SPRR2G: variants seen among roughly 807,000 people sequenced by gnomAD.
The protein encoded by SPRR2G is small proline-rich protein 2G.
In SPRR2G, 1 loss-of-function variant was observed where a neutral mutation model predicts 0.7. The observed-to-expected ratio is 1.49, with a 90% CI of 0.53 to 7.06. The LOEUF is 7.06. Among genes scored for constraint, SPRR2G ranks in the 30% most tolerant of loss-of-function variants. The pLI is 0.14. For synonymous variants in SPRR2G, 38 were observed against 33.9 expected (o/e 1.12, Z -0.42); for missense variants, 96 against 88.5 (o/e 1.09, Z -0.34).
chr1:153,166,680 ATG>A, the SPRR2G span, among the ~76,000 whole-genome samples: 1 of 152,150 alleles, frequency 6.6e-6, no homozygotes, highest in Non-Finnish European at 1.5e-5. Flanking sequence ...AAGAATAGAT[ATG>A]TCATTTCATT....
At chr1:153,191,840 A>G in the SPRR2G span, among the ~76,000 whole-genome samples, 1 of 152,164 alleles carries the variant, frequency 6.6e-6, no homozygotes, top group African/African-American at 2.4e-5. Flanking sequence ...GTCTCAGCTT[A>G]CTTGTGGGTT....
chr1:153,150,229 T>C (rs1201719087), intron 1 of SPRR2G, 98 bp from the exon 2 acceptor site: 3 of 1,514,834 alleles, frequency 2.0e-6, no homozygotes, highest in South Asian at 1.3e-5. Flanking sequence ...GGGACCAACT[T>C]TGATCCCTAA....
At chr1:153,196,381 A>T in the SPRR2G span, among the ~76,000 whole-genome samples, 1 of 152,244 alleles carries the variant, frequency 6.6e-6, no homozygotes, top group African/African-American at 2.4e-5. Flanking sequence ...GTTGTTGAAT[A>T]AGGCAGAATT....
chr1:153,185,047 G>A, the SPRR2G span, among the ~76,000 whole-genome samples: 7 of 152,194 alleles, frequency 4.6e-5, no homozygotes, highest in Non-Finnish European at 1.0e-4. Context: ...GCATCCCAGG[G>A]ATGAAGCTGA....
the SPRR2G span, among the ~76,000 whole-genome samples, chr1:153,181,215 A>G: frequency 2.0e-5 from 3 of 152,076 alleles, no homozygotes; most frequent in Non-Finnish European, 4.4e-5. Context: ...AGATCTGAAG[A>G]CATTCTCCCA....
At chr1:153,192,966 C>A in the SPRR2G span, among the ~76,000 whole-genome samples, 1,286 of 152,246 alleles carry the variant, frequency 8.4e-3, 25 homozygotes, top group African/African-American at 0.029. Context: ...GCAAGGAGCA[C>A]AAGGTGCGTC....
At chr1:153,169,691 A>G in the SPRR2G span, among the ~76,000 whole-genome samples, 6 of 152,190 alleles carry the variant, frequency 3.9e-5, no homozygotes, top group Admixed American at 1.3e-4. Flanking sequence ...GCCTTCCATC[A>G]TGTTAACACT....
At chr1:153,185,939 G>C in the SPRR2G span, among the ~76,000 whole-genome samples, 2 of 152,038 alleles carry the variant, frequency 1.3e-5, no homozygotes, top group East Asian at 3.9e-4. Flanking sequence ...GTTTCAGAGA[G>C]CTTATTTATT....
the SPRR2G span, among the ~76,000 whole-genome samples, chr1:153,179,861 C>A: frequency 2.0e-5 from 3 of 152,274 alleles, no homozygotes; most frequent in African/African-American, 2.4e-5. Flanking sequence ...CATATCAGAA[C>A]AACCACAGCA....
chr1:153,196,357 C>T, the SPRR2G span, among the ~76,000 whole-genome samples: 1 of 152,330 alleles, frequency 6.6e-6, no homozygotes, highest in East Asian at 1.9e-4. Context: ...ATAATGTCCT[C>T]AAGGGCCATT....
At chr1:153,167,396 C>A in the SPRR2G span, among the ~76,000 whole-genome samples, 1 of 152,070 alleles carries the variant, frequency 6.6e-6, no homozygotes, top group Non-Finnish European at 1.5e-5. Flanking sequence ...ATCGCTTGAA[C>A]CTGGGAGGCA....
chr1:153,171,961 C>T, the SPRR2G span, among the ~76,000 whole-genome samples: 1 of 152,146 alleles, frequency 6.6e-6, no homozygotes, highest in African/African-American at 2.4e-5. Flanking sequence ...TACGTCTGTC[C>T]TTTGGCCATG....
the SPRR2G span, among the ~76,000 whole-genome samples, chr1:153,164,926 C>T: frequency 6.6e-6 from 1 of 152,192 alleles, no homozygotes; most frequent in Admixed American, 6.5e-5. Flanking sequence ...CTTCTACACA[C>T]TTCTCTCTTC....
chr1:153,176,811 TGTGA>T, the SPRR2G span, among the ~76,000 whole-genome samples: 9 of 152,234 alleles, frequency 5.9e-5, no homozygotes, highest in Non-Finnish European at 1.3e-4. Flanking sequence ...TTAAGGCTAA[TGTGA>T]GTAAGATAAT....
chr1:153,166,666 C>T, the SPRR2G span, among the ~76,000 whole-genome samples: 826 of 152,256 alleles, frequency 5.4e-3, 12 homozygotes, highest in Middle Eastern at 0.02. Flanking sequence ...GGATGAAGAT[C>T]TCCAAGAATA....
At chr1:153,176,903 A>G in the SPRR2G span, among the ~76,000 whole-genome samples, 1 of 152,184 alleles carries the variant, frequency 6.6e-6, no homozygotes, top group African/African-American at 2.4e-5. Flanking sequence ...AATAGAAACC[A>G]TAATCCTATC....
the SPRR2G span, among the ~76,000 whole-genome samples, chr1:153,181,579 G>A: frequency 3.3e-5 from 5 of 151,804 alleles, no homozygotes; most frequent in African/African-American, 7.3e-5. Flanking sequence ...GCACATACAC[G>A]CCTTTCCCAG....
the SPRR2G span, among the ~76,000 whole-genome samples, chr1:153,185,569 T>C: frequency 9.8e-5 from 15 of 152,300 alleles, no homozygotes; most frequent in African/African-American, 3.6e-4. Context: ...GATATCCCCT[T>C]TATCATTTTT....
chr1:153,154,316 T>G (rs576686191), upstream of SPRR2G, among the ~76,000 whole-genome samples: 10 of 152,114 alleles, frequency 6.6e-5, no homozygotes, highest in Non-Finnish European at 1.2e-4. Context: ...GGCCTGTAAT[T>G]TTTTTATAAT....
Sources: allele counts gnomAD v4.1 joint callset (sites outside exome capture counted in the v4.1 genomes callset), GRCh38; gene constraint gnomAD v4.1.1; transcripts MANE v1.5; gene names NCBI Gene and HGNC (gene_info 2026-07-23, HGNC 2026-07-21).